COL4A3: variants seen among roughly 807,000 people sequenced by gnomAD.
COL4A3 encodes collagen alpha-3(IV) chain.
A neutral mutation model predicts 217.4 loss-of-function variants in COL4A3; 135 were observed. The ratio of observed to expected loss-of-function variants is 0.62; its 90% CI spans 0.54 to 0.72. COL4A3 has a LOEUF of 0.72. COL4A3 is among the 30% of genes least tolerant of loss of function. The pLI is 0.00. For synonymous variants in COL4A3, 690 were observed against 736.3 expected (o/e 0.94, Z 1.02); for missense variants, 1,868 against 2,119.9 (o/e 0.88, Z 2.33).
At position 227,282,674 on chromosome 2, in the gene COL4A3, C is replaced by A; in HGVS notation, c.2656+142C>A. On this transcript the variant is annotated intron_variant, in intron 32 of 51. Transcript: ENST00000396578. The surrounding 1 kb of genome is among the most constrained non-coding windows in gnomAD (Gnocchi z 4.4). ...TCCTTCTAAATTATTTGTAAGAAAC[C>A]AGGGGCCATGGTGCAGGGAAACGGT... The A allele has an allele frequency of 1.2e-6, 1 of 815,300 alleles. No individual in the cohort carries two copies. Among genetic ancestry groups the A allele is most frequent in the Non-Finnish European group, 2.0e-6 (1 of 507,764 alleles). 50.5% of individuals were successfully genotyped at this position (815,300 alleles called of 1,614,324 possible).
rs202165935 is a variant in COL4A3, at chr2:227,245,012, A to G, written c.324+17A>G. ...GGACTTCCAGTAAGTAATGGGAAAA[A>G]TCCGTAGCTAGAAAATTTAAAAGTA... On this transcript the variant is annotated intron_variant, in intron 5 of 51. Transcript: ENST00000396578. 5.0e-6 allele frequency: 8 copies of G among 1,610,106 alleles called. No homozygotes were observed. The highest frequency in any genetic ancestry group is 1.7e-4 in the Middle Eastern group (1 of 6,046).
chr2:227,190,225 T>G (rs1338075262), intron 1 of COL4A3, among the ~76,000 whole-genome samples: 3 of 152,240 alleles, frequency 2.0e-5, no homozygotes, highest in Non-Finnish European at 4.4e-5. Context: ...CACATGCAGG[T>G]CCCTCAAGAG....
rs1574786212 is a variant in COL4A3 at position 227,283,851 on chromosome 2, A to C, written c.2741A>C (p.Gln914Pro). ...CCTGGGAACCCAGGCACACCAGGGC[A>C]GAGGGGTAAGTGATAGAGTGTCTTT... ...GPPGNPGTPG[Q>P]RGSPGIPGVK... The change falls in exon 33 of 52, where the codon CAG becomes CCG. Residue 914 changes from glutamine (Q) to proline (P), a missense_variant. Physicochemically the swap from Gln to Pro is moderately conservative, Grantham distance 76. This residue lies in a region of COL4A3 where 1,503 missense variants were observed against 1,786.1 expected (regional missense o/e 0.84). Coordinates refer to ENST00000396578, the MANE Select transcript of COL4A3 (RefSeq NM_000091.5). 6.2e-7 allele frequency: 1 copy of C among 1,611,632 alleles called. No individual in the cohort carries two copies. Among genetic ancestry groups the C allele is most frequent in the East Asian group, 2.2e-5 (1 of 44,868 alleles).
At chr2:227,263,204 C>CT (rs1435772116) in intron 20 of COL4A3, among the ~76,000 whole-genome samples, 1 of 152,216 alleles carries the variant, frequency 6.6e-6, no homozygotes, top group East Asian at 1.9e-4. Context: ...CAGTCCTTTG[C>CT]TGGTGGCATC....
intron 1 of COL4A3, among the ~76,000 whole-genome samples, chr2:227,176,935 T>TA (rs2065693590): frequency 1.3e-5 from 2 of 151,870 alleles, no homozygotes; most frequent in Admixed American, 6.6e-5. Context: ...ATGCTGGCTT[T>TA]AAAAAAAAGT....
At chr2:227,269,302 G>C in intron 23 of COL4A3, among the ~76,000 whole-genome samples, 1 of 152,154 alleles carries the variant, frequency 6.6e-6, no homozygotes, top group Non-Finnish European at 1.5e-5. Context: ...TAAATACCCA[G>C]AGACATTTTT....
At chr2:227,271,971 C>G (rs1307303339) in intron 25 of COL4A3, among the ~76,000 whole-genome samples, 1 of 152,198 alleles carries the variant, frequency 6.6e-6, no homozygotes, top group African/African-American at 2.4e-5. Context: ...TTTAAAGATT[C>G]ATTTACAGAC....
At chr2:227,169,390 CT>C in intron 1 of COL4A3, 1 of 150,836 alleles carries the variant, frequency 6.6e-6, no homozygotes, top group South Asian at 2.1e-4. Context: ...ATTCATAATC[CT>C]TTGGGTATAT....
chr2:227,238,160 T>C, intron 2 of COL4A3, 136 bp downstream of exon 2: 1 of 605,020 alleles, frequency 1.7e-6, no homozygotes, highest in East Asian at 3.0e-5. Context: ...AAAGTAATTG[T>C]ATATAAACAT....
In COL4A3 at chr2:227,171,116, G is replaced by A. The variant is rs747734142; in HGVS notation, c.87+6303G>A. 1.4e-4 allele frequency among the ~76,000 whole-genome samples: 21 copies of A among 152,196 alleles called. No individual in the cohort carries two copies. In the Middle Eastern group the frequency reaches 0.01, roughly 74 times the overall value. ...CTGAATACCCACATAAAGACCATTCGGGTCAAGGAACAGCACACTGCTAGC... is the reference window on the plus strand; with the variant it reads ...CTGAATACCCACATAAAGACCATTCAGGTCAAGGAACAGCACACTGCTAGC... On this transcript the variant is annotated intron_variant, in intron 1 of 51. Transcript: ENST00000396578.
At chr2:227,178,557 CAG>C (rs938176739) in intron 1 of COL4A3, among the ~76,000 whole-genome samples, 1 of 151,756 alleles carries the variant, frequency 6.6e-6, no homozygotes, top group Non-Finnish European at 1.5e-5. Flanking sequence ...TTTTTTGAGA[CAG>C]AGTCACTCCA....
At chr2:227,216,771 A>G (rs1175890199) in intron 1 of COL4A3, among the ~76,000 whole-genome samples, 2 of 152,220 alleles carry the variant, frequency 1.3e-5, no homozygotes, top group East Asian at 3.8e-4. Context: ...AAAAGTGTTC[A>G]CAGTGACAGC....
Position 227,251,202 on chromosome 2 carries a change from TGTGA to T in COL4A3, c.609+3_609+6del. ...GCCCACCTGGTCCTCCGGGATTCTT[TGTGA>T]GTATCAAGTCATCCTTGCTACAGAC... On this transcript the variant is annotated splice_donor_variant and splice_donor_region_variant and intron_variant, in intron 10 of 51. Coordinates refer to ENST00000396578, the MANE Select transcript of COL4A3 (RefSeq NM_000091.5). LOFTEE classifies it high-confidence loss of function. 6.2e-7 allele frequency: 1 copy of T among 1,613,174 alleles called. No individual in the cohort carries two copies. Among genetic ancestry groups the T allele is most frequent in the Non-Finnish European group, 8.5e-7 (1 of 1,179,222 alleles).
At position 227,245,708 on chromosome 2, in the gene COL4A3, T is replaced by C. The variant is rs74839186; in HGVS notation, c.325-246T>C. 7.3e-3 allele frequency: 4,084 copies of C among 558,470 alleles called. 129 individuals carry two copies. The highest frequency in any genetic ancestry group is 0.07 in the African/African-American group (3,701 of 53,004). 34.6% of individuals were successfully genotyped at this position (558,470 alleles called of 1,614,324 possible). A position where few individuals can be genotyped will look rare whatever the true frequency, so the allele number is the denominator to read the frequency against. On this transcript the variant is annotated intron_variant, in intron 5 of 51. Transcript: ENST00000396578. ...CAGCATGTTAAAGGACTCTTTTATTTTATGGATAAAAGGCGTTTGCTTTAT... is the reference window on the plus strand; with the variant it reads ...CAGCATGTTAAAGGACTCTTTTATTCTATGGATAAAAGGCGTTTGCTTTAT...
chr2:227,194,704 T>C (rs997766997), intron 1 of COL4A3, among the ~76,000 whole-genome samples: 3 of 152,078 alleles, frequency 2.0e-5, no homozygotes, highest in African/African-American at 7.2e-5. Context: ...AAGGGGGAAA[T>C]TAAGCAAAAA....
In COL4A3 at chr2:227,253,137, T is replaced by C. The variant is rs1459551765; in HGVS notation, c.646-159T>C. Among the ~76,000 whole-genome samples the C allele has an allele frequency of 6.6e-6, 1 of 152,220 alleles. No individual in the cohort carries two copies. The highest frequency in any genetic ancestry group is 1.9e-4 in the East Asian group (1 of 5,206). On this transcript the variant is annotated intron_variant, in intron 11 of 51. Transcript: ENST00000396578. The surrounding 1 kb of genome is among the most constrained non-coding windows in gnomAD (Gnocchi z 4.4). Reference sequence around the variant, plus strand: ...AAGAGCTCCTCCTTTAAAAGAAACATATCAATGCTCTTCTCTAAGAAATAG... The same window carrying C: ...AAGAGCTCCTCCTTTAAAAGAAACACATCAATGCTCTTCTCTAAGAAATAG...
chr2:227,289,182 AG>A lies in COL4A3; in HGVS notation c.2915del (p.Arg972LysfsTer9). ...FAGNPGEKGNRGVPGMPGLKG... is the reference protein window; with the variant it reads ...FAGNPGEKGNXGVPGMPGLKG... ...AGGAAATCCAGGTGAGAAAGGAAACAGAGGCGTTCCAGGGATGCCAGGTTTA... is the reference window on the plus strand; with the variant it reads ...AGGAAATCCAGGTGAGAAAGGAAACAAGGCGTTCCAGGGATGCCAGGTTTA... On this transcript the variant is annotated frameshift_variant, in exon 35 of 52. Transcript: ENST00000396578. LOFTEE classifies it high-confidence loss of function. 1 of 1,613,900 alleles carries A rather than the reference AG, an allele frequency of 6.2e-7. No homozygotes were observed. Among genetic ancestry groups the A allele is most frequent in the Non-Finnish European group, 8.5e-7 (1 of 1,179,920 alleles).
chr2:227,277,791 G>C (rs1394986846), intron 28 of COL4A3, among the ~76,000 whole-genome samples: 2 of 152,162 alleles, frequency 1.3e-5, no homozygotes, highest in Non-Finnish European at 2.9e-5. Context: ...CTTGAGGTCA[G>C]GAGTTCGATA....
chr2:227,240,023 G>GA, intron 2 of COL4A3, 120 bp from the exon 3 acceptor site: 1 of 951,002 alleles, frequency 1.1e-6, no homozygotes, highest in South Asian at 1.4e-5. Flanking sequence ...TTAATCCAAG[G>GA]AAAAAACATG....
Sources: gnomAD v4.1 joint callset for allele counts (sites outside exome capture counted in the v4.1 genomes callset) on GRCh38, gnomAD v4.1.1 for gene constraint, gnomAD v4.1.1 regional missense constraint, Gnocchi (gnomAD v3.1) non-coding constraint, MANE v1.5 for transcripts, NCBI Gene and HGNC (gene_info 2026-07-23, HGNC 2026-07-21) for gene names.